The following RTN1 variants were observed in gnomAD, a reference collection of about 807,000 sequenced individuals.
RTN1 encodes the protein reticulon 1.
RTN1 carries 25 observed loss-of-function variants against 65.5 expected under a neutral mutation model. The ratio of observed to expected loss-of-function variants is 0.38; its 90% CI spans 0.28 to 0.53. RTN1 has a LOEUF of 0.53. Ranked by LOEUF, RTN1 falls within the 20% of genes least tolerant of loss-of-function variation. RTN1 has a pLI of 0.79. For missense variants in RTN1, 983 were observed against 1,025.4 expected, an observed-to-expected ratio of 0.96 and a Z score of 0.57; for synonymous variants, 471 against 447.6, an observed-to-expected ratio of 1.05 and a Z score of -0.66.
rs182184854 is a variant in RTN1, at chr14:59,622,300, C to T, written c.1766-14808G>A. ...AGGTTGCAGTGAGCCAAGATCGAGC[C>T]GCTGCACTCCAGCCTGGGCAACGGA... On this transcript the variant is annotated intron_variant, in intron 3 of 8. Transcript: ENST00000267484. 3.9e-3 allele frequency among the ~76,000 whole-genome samples: 596 copies of T among 152,258 alleles called. 2 individuals are homozygous for T. Among genetic ancestry groups the T allele is most frequent in the Non-Finnish European group, 5.3e-3 (362 of 68,026 alleles).
intron 3 of RTN1, among the ~76,000 whole-genome samples, chr14:59,700,988 A>G (rs761716730): frequency 6.6e-6 from 1 of 152,162 alleles, no homozygotes; most frequent in Admixed American, 6.5e-5. Context: ...GAATGTACCT[A>G]GAACATACAA....
Position 59,870,288 on chromosome 14 carries a change from C to T in RTN1, c.241+102G>A. ...GCGGGGGTGGGGTCGGCGCTCAAGG[C>T]AGAAAGCGCGAGGCAGGTGCCCAGG... On this transcript the variant is annotated intron_variant, in intron 1 of 8. Transcript: ENST00000267484. The surrounding 1 kb of genome is among the most constrained non-coding windows in gnomAD (Gnocchi z 5.1). 8.2e-7 allele frequency: 1 copy of T among 1,223,160 alleles called. No homozygotes were observed. Among genetic ancestry groups the T allele is most frequent in the South Asian group, 2.5e-5 (1 of 39,612 alleles). The allele number at this position is 1,223,160 out of a possible 1,614,324, so 75.8% of individuals were successfully genotyped here. A position where few individuals can be genotyped will look rare whatever the true frequency, so the allele number is the denominator to read the frequency against.
At chr14:59,867,635 A>G (rs973977874) in intron 1 of RTN1, among the ~76,000 whole-genome samples, 1 of 152,252 alleles carries the variant, frequency 6.6e-6, no homozygotes, top group Non-Finnish European at 1.5e-5. Flanking sequence ...TTTAATTACC[A>G]TCAATGTATA....
At chr14:59,686,977 T>C (rs1294940181) in intron 3 of RTN1, among the ~76,000 whole-genome samples, 1 of 152,044 alleles carries the variant, frequency 6.6e-6, no homozygotes, top group Admixed American at 6.5e-5. Context: ...TGCTCTGGAG[T>C]TGGGTAGTGG....
chr14:59,605,268 C>T (rs573770016), intron 5 of RTN1, 100 bp downstream of exon 5: 17 of 1,270,466 alleles, frequency 1.3e-5, no homozygotes, highest in African/African-American at 1.2e-4. Flanking sequence ...ATATAATTAG[C>T]ACTTGCTTTT....
intron 3 of RTN1, among the ~76,000 whole-genome samples, chr14:59,726,166 G>C (rs1952040): frequency 6.6e-6 from 1 of 152,162 alleles, no homozygotes; most frequent in African/African-American, 2.4e-5. Context: ...TTTTGGGGAA[G>C]AATCTCTTGT....
chr14:59,842,050 C>T (rs1594763421), intron 1 of RTN1, among the ~76,000 whole-genome samples: 3 of 151,582 alleles, frequency 2.0e-5, no homozygotes, highest in East Asian at 3.9e-4. Flanking sequence ...CGCTTGAACC[C>T]GGGAGGTGGA....
At chr14:59,869,764 A>G (rs1887861326) in intron 1 of RTN1, among the ~76,000 whole-genome samples, 1 of 152,026 alleles carries the variant, frequency 6.6e-6, no homozygotes, top group African/African-American at 2.4e-5. Flanking sequence ...ACAGCACCCA[A>G]CCCTCTTGCA....
intron 3 of RTN1, among the ~76,000 whole-genome samples, chr14:59,724,140 C>T (rs1287909033): frequency 6.6e-6 from 1 of 152,092 alleles, no homozygotes; most frequent in Non-Finnish European, 1.5e-5. Flanking sequence ...AGCAGAAATA[C>T]AGGGCGGCAA....
intron 3 of RTN1, among the ~76,000 whole-genome samples, chr14:59,701,964 G>GT (rs1309852569): frequency 1.3e-5 from 2 of 152,106 alleles, no homozygotes; most frequent in Non-Finnish European, 2.9e-5. Flanking sequence ...CTGAATTGGA[G>GT]TAAATGTTCT....
rs1884775320 is a variant in RTN1, at chr14:59,726,974, A to C, written c.1710T>G (p.Pro570=). The C allele has an allele frequency of 3.1e-6, 5 of 1,613,394 alleles. No homozygotes were observed. The highest frequency in any genetic ancestry group is 4.2e-6 in the Non-Finnish European group (5 of 1,179,688). The change falls in exon 3 of 9, where the codon CCT becomes CCG. Residue 570 remains proline, a synonymous_variant. Coordinates refer to ENST00000267484, the MANE Select transcript of RTN1 (RefSeq NM_021136.3). ...SNQSPAATKG[P]GPLGPGAPPP... ...GCGGGGCGCCAGGACCTAGAGGCCCAGGGCCCTTTGTGGCCGCAGGACTTT... is the reference window on the plus strand; with the variant it reads ...GCGGGGCGCCAGGACCTAGAGGCCCCGGGCCCTTTGTGGCCGCAGGACTTT...
chr14:59,827,353 C>T (rs1887051108), intron 1 of RTN1, among the ~76,000 whole-genome samples: 1 of 152,162 alleles, frequency 6.6e-6, no homozygotes, highest in Non-Finnish European at 1.5e-5. Context: ...GCTGAGATTA[C>T]AGGAGTGAGC....
intron 3 of RTN1, among the ~76,000 whole-genome samples, chr14:59,680,465 G>A (rs1883723191): frequency 6.6e-6 from 1 of 152,160 alleles, no homozygotes; most frequent in Non-Finnish European, 1.5e-5. Context: ...TTACTAATTT[G>A]AGCTAATCAG....
chr14:59,662,656 C>A (rs1004685601), intron 3 of RTN1, among the ~76,000 whole-genome samples: 2 of 152,112 alleles, frequency 1.3e-5, no homozygotes, highest in African/African-American at 4.8e-5. Context: ...TGAGTGAACT[C>A]CCATTCACAA....
chr14:59,599,675 A>G (rs147428150), intron 8 of RTN1, among the ~76,000 whole-genome samples: 44 of 152,294 alleles, frequency 2.9e-4, no homozygotes, highest in African/African-American at 1.0e-3. Flanking sequence ...AGGGAAGTCC[A>G]TCTCATCTCA....
chr14:59,855,857 C>G (rs768931174), intron 1 of RTN1, among the ~76,000 whole-genome samples: 3 of 152,188 alleles, frequency 2.0e-5, no homozygotes, highest in Non-Finnish European at 4.4e-5. Context: ...GAAGTCTAGG[C>G]TCCCTCCTTG....
intron 3 of RTN1, among the ~76,000 whole-genome samples, chr14:59,620,792 A>G (rs900054621): frequency 6.6e-5 from 10 of 152,288 alleles, no homozygotes; most frequent in Non-Finnish European, 8.8e-5. Flanking sequence ...GTTCTGATCA[A>G]TGGGTGGTGG....
intron 2 of RTN1, among the ~76,000 whole-genome samples, chr14:59,742,257 C>T (rs1305605478): frequency 6.6e-6 from 1 of 152,154 alleles, no homozygotes; most frequent in African/African-American, 2.4e-5. Flanking sequence ...AGGATGACTT[C>T]CTGATTATTG....
chr14:59,834,641 C>G (rs1432567643), intron 1 of RTN1, among the ~76,000 whole-genome samples: 1 of 151,926 alleles, frequency 6.6e-6, no homozygotes, highest in Non-Finnish European at 1.5e-5. Context: ...ATAGAAAAAT[C>G]TAATAGTGAA....
Sources: gnomAD v4.1 joint callset for allele counts (sites outside exome capture counted in the v4.1 genomes callset) on GRCh38, gnomAD v4.1.1 for gene constraint, Gnocchi (gnomAD v3.1) non-coding constraint, MANE v1.5 for transcripts, NCBI Gene and HGNC (gene_info 2026-07-23, HGNC 2026-07-21) for gene names.